RIC1: variants seen among roughly 807,000 people sequenced by gnomAD.
The protein encoded by RIC1 is guanine nucleotide exchange factor subunit RIC1.
Under a neutral mutation model 169.0 loss-of-function variants are expected in RIC1, and 88 were observed. The ratio of observed to expected loss-of-function variants is 0.52; its 90% CI spans 0.44 to 0.62. RIC1 has a LOEUF of 0.62. Among genes scored for constraint, RIC1 ranks in the 20% least tolerant of loss-of-function variants. The probability of loss-of-function intolerance (pLI) is 0.00; values close to 1 mark genes in which losing one functional copy is unlikely to be tolerated. For synonymous variants in RIC1, 790 were observed against 601.5 expected (o/e 1.31, Z -4.59); for missense variants, 1,877 against 1,725.5 (o/e 1.09, Z -1.56).
At chr9:5,730,799 CT>C (rs1356127774) in intron 6 of RIC1, among the ~76,000 whole-genome samples, 1 of 152,078 alleles carries the variant, frequency 6.6e-6, no homozygotes, top group Non-Finnish European at 1.5e-5. Flanking sequence ...TATTCTTCTT[CT>C]ATATAACTTG....
intron 3 of RIC1, among the ~76,000 whole-genome samples, chr9:5,710,172 A>G (rs1280475669): frequency 6.6e-6 from 1 of 152,212 alleles, no homozygotes; most frequent in East Asian, 1.9e-4. Context: ...CTGCAAACTC[A>G]GAAAGGCTTA....
chr9:5,686,337 T>C lies in RIC1; in HGVS notation c.253-3622T>C, dbSNP rs987225380. Among the ~76,000 whole-genome samples, 16 of 152,188 alleles carry C rather than the reference T, an allele frequency of 1.1e-4. No homozygotes were observed. In the East Asian group the frequency reaches 1.5e-3, roughly 15 times the overall value. On this transcript the variant is annotated intron_variant, in intron 2 of 25. Transcript: ENST00000414202. ...AAAGACACATGCACACGTATGTTTA[T>C]TGTGGCACTATTCACAATAGCAAAG... is the stretch of plus-strand genomic sequence containing the variant.
chr9:5,629,593 C>G, intron 1 of RIC1, 140 bp downstream of exon 1: 1 of 999,490 alleles, frequency 1.0e-6, no homozygotes, highest in South Asian at 2.0e-5. Flanking sequence ...CGTCCTCGTT[C>G]CACCGAATTG....
chr9:5,660,256 C>T (rs950642298), intron 2 of RIC1, among the ~76,000 whole-genome samples: 15 of 152,064 alleles, frequency 9.9e-5, no homozygotes, highest in African/African-American at 3.4e-4. Context: ...AGTCTATCAT[C>T]GGGGGACATT....
chr9:5,701,984 T>C (rs925899165), intron 3 of RIC1, among the ~76,000 whole-genome samples: 1 of 152,154 alleles, frequency 6.6e-6, no homozygotes, highest in South Asian at 2.1e-4. Context: ...ACTCAGGAAA[T>C]AAGGCCTCCA....
Position 5,693,465 on chromosome 9 carries a change from T to A in RIC1, c.332+3427T>A, listed in dbSNP as rs2130730022. ...AATGGTGGCAGTCTTATTAAGTGAC[T>A]CTGTACCTCAAAGATCATTTATTCT... On this transcript the variant is annotated intron_variant, in intron 3 of 25. Coordinates refer to ENST00000414202, the MANE Select transcript of RIC1 (RefSeq NM_020829.4). Among the ~76,000 whole-genome samples, 2 of 152,310 alleles carry A rather than the reference T, an allele frequency of 1.3e-5. 1 individual carries two copies. Among genetic ancestry groups the A allele is most frequent in the South Asian group, 4.1e-4 (2 of 4,832 alleles).
chr9:5,778,471 T>G (rs540039197), downstream of RIC1, among the ~76,000 whole-genome samples: 2 of 152,320 alleles, frequency 1.3e-5, no homozygotes, highest in African/African-American at 2.4e-5. Context: ...CTTCTGATCT[T>G]AGGGAGAAGC....
chr9:5,765,655 A>G lies in RIC1; in HGVS notation c.3001-7A>G. 1 of 1,614,038 alleles carries G rather than the reference A, an allele frequency of 6.2e-7. No homozygotes were observed. Among genetic ancestry groups the G allele is most frequent in the Non-Finnish European group, 8.5e-7 (1 of 1,179,962 alleles). On this transcript the variant is annotated splice_polypyrimidine_tract_variant and splice_region_variant and intron_variant, in intron 20 of 25. Coordinates refer to ENST00000414202, the MANE Select transcript of RIC1 (RefSeq NM_020829.4). ...CTAATGGTACTGCATATGGTGTGTAATCCTAGGAACCCAGTTCAAGTGGTG... is the reference window on the plus strand; with the variant it reads ...CTAATGGTACTGCATATGGTGTGTAGTCCTAGGAACCCAGTTCAAGTGGTG...
chr9:5,743,638 A>G (rs1368343476), intron 9 of RIC1, 51 bp from the exon 10 acceptor site: 2 of 1,371,960 alleles, frequency 1.5e-6, no homozygotes, highest in South Asian at 1.2e-5. Flanking sequence ...TTTTATGTGT[A>G]TTATATGTAA....
intron 11 of RIC1, 37 bp downstream of exon 11, chr9:5,746,120 T>C (rs769473810): frequency 6.4e-7 from 1 of 1,557,954 alleles, no homozygotes; most frequent in Non-Finnish European, 8.8e-7. Context: ...TTAGTGTCTT[T>C]TGTGTTAGAA....
rs1183742726 is a variant in RIC1 at position 5,769,499 on chromosome 9, G to T, written c.3424+243G>T. ...TAATTCAAAAATCTAATCATACTTG[G>T]ATTATAAAGAAGTTGAGAACTGCCT... On this transcript the variant is annotated intron_variant, in intron 22 of 25. Transcript: ENST00000414202. 5.1e-6 allele frequency: 7 copies of T among 1,382,300 alleles called. No individual in the cohort carries two copies. The East Asian group carries it at 1.8e-4, about 36-fold the overall frequency. The allele number at this position is 1,382,300 out of a possible 1,614,324, so 85.6% of individuals were successfully genotyped here.
At chr9:5,701,857 C>T (rs900529661) in intron 3 of RIC1, among the ~76,000 whole-genome samples, 1 of 151,992 alleles carries the variant, frequency 6.6e-6, no homozygotes, top group African/African-American at 2.4e-5. Flanking sequence ...GGATCAAAAG[C>T]AAAGGAGTAA....
intron 2 of RIC1, among the ~76,000 whole-genome samples, chr9:5,688,844 C>A (rs1324885941): frequency 6.6e-6 from 1 of 152,182 alleles, no homozygotes; most frequent in Middle Eastern, 3.4e-3. Context: ...GATAGGAATT[C>A]AGTATTACTG....
intron 1 of RIC1, among the ~76,000 whole-genome samples, chr9:5,643,182 C>T (rs549830797): frequency 3.5e-4 from 54 of 152,194 alleles, no homozygotes; most frequent in Middle Eastern, 3.4e-3. Context: ...TGGTGCATGC[C>T]TGTGGTCTCA....
chr9:5,674,114 G>C (rs187477096), intron 2 of RIC1, among the ~76,000 whole-genome samples: 46 of 152,216 alleles, frequency 3.0e-4, no homozygotes, highest in Non-Finnish European at 5.6e-4. Flanking sequence ...ATAAGAGTTT[G>C]TGCAAATGTC....
intron 3 of RIC1, among the ~76,000 whole-genome samples, chr9:5,707,179 A>G (rs943839879): frequency 1.3e-5 from 2 of 152,068 alleles, no homozygotes; most frequent in Non-Finnish European, 2.9e-5. Context: ...GAATTTCCAC[A>G]TATTTGAATT....
At chr9:5,655,240 G>A (rs1407078293) in intron 1 of RIC1, among the ~76,000 whole-genome samples, 1 of 151,994 alleles carries the variant, frequency 6.6e-6, no homozygotes, top group African/African-American at 2.4e-5. Flanking sequence ...TTCTATTCCC[G>A]AGAGGTTTTT....
At chr9:5,700,846 A>G (rs1243905640) in intron 3 of RIC1, among the ~76,000 whole-genome samples, 2 of 152,192 alleles carry the variant, frequency 1.3e-5, no homozygotes, top group Non-Finnish European at 2.9e-5. Context: ...TTAGAAAATA[A>G]TTAAATTTTT....
rs986430851 is a variant in RIC1 at position 5,629,131 on chromosome 9, G to C, written c.-179G>C. 1 of 444,404 alleles carries C rather than the reference G, an allele frequency of 2.3e-6. No individual in the cohort carries two copies. The highest frequency in any genetic ancestry group is 2.1e-5 in the African/African-American group (1 of 48,300). 27.5% of individuals were successfully genotyped at this position (444,404 alleles called of 1,614,324 possible). On this transcript the variant is annotated 5_prime_UTR_variant, in exon 1 of 26. Transcript: ENST00000414202. ...CACACTCGGCCCCGTCAGCTTGGGG[G>C]TGCCTTCGTCGCGCAGCCTTGCGTC...
Sources: allele counts gnomAD v4.1 joint callset (sites outside exome capture counted in the v4.1 genomes callset), GRCh38; gene constraint gnomAD v4.1.1; transcripts MANE v1.5; gene names NCBI Gene and HGNC (gene_info 2026-07-23, HGNC 2026-07-21).